Variants in PLEKHA1 observed in about 807,000 individuals in gnomAD.
PLEKHA1 encodes pleckstrin homology domain-containing family A member 1.
PLEKHA1 carries 34 observed loss-of-function variants against 52.0 expected under a neutral mutation model. The observed-to-expected ratio is 0.65, with a 90% CI of 0.50 to 0.87. The LOEUF (loss-of-function observed/expected upper bound fraction) is 0.87, where lower values mean the gene tolerates loss of function less well. Ranked by LOEUF, PLEKHA1 falls within the 40% of genes least tolerant of loss-of-function variation. PLEKHA1 has a pLI of 0.00. For missense variants in PLEKHA1, 497 were observed against 504.2 expected (o/e 0.99, Z 0.14); for synonymous variants, 163 against 170.7 (o/e 0.95, Z 0.35).
intron 8 of PLEKHA1, chr10:122,421,854 C>T (rs2097264319): frequency 6.8e-6 from 1 of 147,700 alleles, no homozygotes. Context: ...CAAATCCCCA[C>T]CCACCCTGCC....
intron 6 of PLEKHA1, among the ~76,000 whole-genome samples, chr10:122,414,892 G>GTT (rs35904241): frequency 2.4e-4 from 36 of 149,050 alleles, no homozygotes; most frequent in South Asian, 6.4e-4. Context: ...TTTATGTTTT[G>GTT]TTTTTTTTTT....
At position 122,387,900 on chromosome 10, in the gene PLEKHA1, T is replaced by TC. The variant is rs533776888; in HGVS notation, c.-20-5280dup. 32 of 152,330 alleles carry TC rather than the reference T, an allele frequency of 2.1e-4. No individual in the cohort carries two copies. The East Asian group carries it at 6.2e-3, about 29-fold the overall frequency. The allele number at this position is 152,330 out of a possible 1,614,324, so 9.4% of individuals were successfully genotyped here. On this transcript the variant is annotated intron_variant, in intron 1 of 11. Transcript: ENST00000368990. ...GAGCATTCTAAGACATTGAGTTTTT[T>TC]CAAGTAGATAATTTATTTGCTCTAC...
At position 122,413,005 on chromosome 10, in the gene PLEKHA1, C is replaced by A. The variant is rs2097128019; in HGVS notation, c.428C>A (p.Thr143Asn). ...GGGAAAAAGCAAGTGTCTTACAGAACTGATATTGTTGGTGGCGTACCCATC... is the reference window on the plus strand; with the variant it reads ...GGGAAAAAGCAAGTGTCTTACAGAAATGATATTGTTGGTGGCGTACCCATC... ...ECGKKQVSYR[T>N]DIVGGVPIIT... is the part of the protein sequence containing the mutation. The change falls in exon 6 of 12, where the codon ACT becomes AAT. Residue 143 changes from threonine (T) to asparagine (N), a missense_variant. By Grantham distance (65) the Thr-to-Asn change is moderately conservative. Transcript: ENST00000368990. The A allele has an allele frequency of 6.2e-7, 1 of 1,613,336 alleles. No individual in the cohort carries two copies. Among genetic ancestry groups the A allele is most frequent in the Non-Finnish European group, 8.5e-7 (1 of 1,179,588 alleles).
At chr10:122,417,785 G>C (rs939410352) in intron 7 of PLEKHA1, 115 bp from the exon 8 acceptor site, 1 of 697,810 alleles carries the variant, frequency 1.4e-6, no homozygotes, top group Non-Finnish European at 2.4e-6. Flanking sequence ...GAAGTAATGA[G>C]ATTTTTCACT....
At chr10:122,436,790 G>A (rs2097439447), downstream of PLEKHA1, 1 of 152,158 alleles carries the variant, frequency 6.6e-6, no homozygotes, top group South Asian at 2.1e-4. Context: ...GTACTTCTAA[G>A]TAAAAGCCAT....
chr10:122,393,760 C>T lies in PLEKHA1; in HGVS notation c.141+419C>T, dbSNP rs567716633. On this transcript the variant is annotated intron_variant, in intron 2 of 11. Transcript: ENST00000368990. The surrounding 1 kb of genome is among the most constrained non-coding windows in gnomAD (Gnocchi z 4.5). Reference sequence around the variant, plus strand: ...TTCTTGCATTAAGGAGGCTTAATACCAGGGTCCCTTTAGTGAGATTAAATT... The same window carrying T: ...TTCTTGCATTAAGGAGGCTTAATACTAGGGTCCCTTTAGTGAGATTAAATT... 1.3e-5 allele frequency among the ~76,000 whole-genome samples: 2 copies of T among 152,248 alleles called. No individual in the cohort carries two copies. The highest frequency in any genetic ancestry group is 4.1e-4 in the South Asian group (2 of 4,830).
intron 4 of PLEKHA1, among the ~76,000 whole-genome samples, chr10:122,403,187 C>CA (rs1392427857): frequency 6.6e-6 from 1 of 151,798 alleles, no homozygotes; most frequent in African/African-American, 2.4e-5. Flanking sequence ...TTGAAAAAGT[C>CA]AAAGAAATCT....
intron 1 of PLEKHA1, chr10:122,392,212 T>C (rs1467848285): frequency 6.6e-6 from 1 of 152,180 alleles, no homozygotes; most frequent in East Asian, 1.9e-4. Context: ...CTTTTAAGTC[T>C]ATTTTAATCT....
intron 10 of PLEKHA1, 193 bp downstream of exon 10, chr10:122,425,152 G>A: frequency 2.5e-6 from 1 of 397,764 alleles, no homozygotes; most frequent in East Asian, 3.7e-5. Flanking sequence ...GGGAGTATTT[G>A]TTATGAATTA....
chr10:122,386,370 C>A (rs1398286853), intron 1 of PLEKHA1, among the ~76,000 whole-genome samples: 1 of 151,590 alleles, frequency 6.6e-6, no homozygotes, highest in African/African-American at 2.4e-5. Context: ...TAATTACCTG[C>A]CTGTTCTAGG....
At chr10:122,388,614 A>G (rs1032878428) in intron 1 of PLEKHA1, among the ~76,000 whole-genome samples, 2 of 152,228 alleles carry the variant, frequency 1.3e-5, no homozygotes, top group Non-Finnish European at 2.9e-5. Context: ...CTATGTTTAC[A>G]CTATACTGTA....
chr10:122,377,095 TAATA>T (rs957811829), intron 1 of PLEKHA1, among the ~76,000 whole-genome samples: 4 of 152,240 alleles, frequency 2.6e-5, no homozygotes, highest in South Asian at 2.1e-4. Flanking sequence ...GAATGAAATC[TAATA>T]AATAGTTTAT....
At chr10:122,390,830 A>G (rs2096765897) in intron 1 of PLEKHA1, among the ~76,000 whole-genome samples, 1 of 151,668 alleles carries the variant, frequency 6.6e-6, no homozygotes, top group Admixed American at 6.6e-5. Flanking sequence ...GAATGGCTGG[A>G]TCATATGGTA....
intron 8 of PLEKHA1, chr10:122,422,463 C>G (rs1033263215): frequency 6.6e-6 from 1 of 152,192 alleles, no homozygotes; most frequent in Non-Finnish European, 1.5e-5. Flanking sequence ...TGTGTACCTC[C>G]TAATAGTGGT....
At chr10:122,428,702 G>C (rs2097375860) in intron 11 of PLEKHA1, among the ~76,000 whole-genome samples, 1 of 152,142 alleles carries the variant, frequency 6.6e-6, no homozygotes. Flanking sequence ...GCATGCATAT[G>C]CATTGGATAA....
At chr10:122,412,777 TAAG>T (rs1181490917) in intron 5 of PLEKHA1, 140 bp from the exon 6 acceptor site, 18 of 769,868 alleles carry the variant, frequency 2.3e-5, no homozygotes, top group Non-Finnish European at 3.2e-5. Flanking sequence ...TGTGATAACT[TAAG>T]GAGTACATAC....
At chr10:122,436,649 TA>T (rs1671644088), downstream of PLEKHA1, 1 of 152,116 alleles carries the variant, frequency 6.6e-6, no homozygotes, top group African/African-American at 2.4e-5. Flanking sequence ...AAAGAAAATA[TA>T]AAGTAATATG....
chr10:122,418,382 C>T (rs72832707), intron 8 of PLEKHA1: 14,598 of 156,332 alleles, frequency 0.093, 807 homozygotes, highest in Middle Eastern at 0.17. Context: ...TAATAGAAGC[C>T]AAGTCTTTTC....
intron 8 of PLEKHA1, chr10:122,423,215 G>A (rs958397633): frequency 2.6e-5 from 4 of 151,050 alleles, no homozygotes; most frequent in African/African-American, 7.3e-5. Context: ...CCAGAGGTCA[G>A]GAGTTTGAGA....
Sources: allele counts gnomAD v4.1 joint callset (sites outside exome capture counted in the v4.1 genomes callset), GRCh38; gene constraint gnomAD v4.1.1; non-coding constraint Gnocchi (gnomAD v3.1); transcripts MANE v1.5; gene names NCBI Gene and HGNC (gene_info 2026-07-23, HGNC 2026-07-21).